The following GOLM2 variants were observed in gnomAD, a reference collection of about 807,000 sequenced individuals.
GOLM2 encodes protein GOLM2.
Under a neutral mutation model 55.9 loss-of-function variants are expected in GOLM2, and 26 were observed. The ratio of observed to expected loss-of-function variants is 0.47; its 90% CI spans 0.34 to 0.65. GOLM2 has a LOEUF of 0.65. GOLM2 is among the 30% of genes least tolerant of loss of function. The probability of loss-of-function intolerance (pLI) is 0.01; values close to 1 mark genes in which losing one functional copy is unlikely to be tolerated. For synonymous variants in GOLM2, 165 were observed against 194.6 expected, an observed-to-expected ratio of 0.85 and a Z score of 1.27; for missense variants, 486 against 531.8, an observed-to-expected ratio of 0.91 and a Z score of 0.85.
At chr15:44,369,789 TTAAA>T (rs908716179) in intron 6 of GOLM2, among the ~76,000 whole-genome samples, 22 of 151,852 alleles carry the variant, frequency 1.4e-4, no homozygotes, top group African/African-American at 3.9e-4. Context: ...AGACTCCATC[TTAAA>T]TAAATAAATA....
chr15:44,371,060 A>G (rs1388812940), intron 6 of GOLM2, among the ~76,000 whole-genome samples: 3 of 152,148 alleles, frequency 2.0e-5, no homozygotes, highest in Non-Finnish European at 4.4e-5. Context: ...GGCTTGGCCA[A>G]AGACCTAAGA....
At chr15:44,389,700 G>C (rs1036447560) in intron 8 of GOLM2, among the ~76,000 whole-genome samples, 1 of 151,942 alleles carries the variant, frequency 6.6e-6, no homozygotes, top group Non-Finnish European at 1.5e-5. Context: ...TTTGTTTTTT[G>C]AGACAGGGTC....
chr15:44,373,405 C>T (rs1352336684), intron 6 of GOLM2, among the ~76,000 whole-genome samples: 1 of 150,278 alleles, frequency 6.7e-6, no homozygotes, highest in Non-Finnish European at 1.5e-5. Context: ...TGCAGTGAGC[C>T]GAGTTCGTGC....
At chr15:44,358,805 C>A (rs1189394390) in intron 6 of GOLM2, among the ~76,000 whole-genome samples, 1 of 152,158 alleles carries the variant, frequency 6.6e-6, no homozygotes, top group African/African-American at 2.4e-5. Context: ...TTTTTGGATA[C>A]AACACCAAAG....
intron 8 of GOLM2, among the ~76,000 whole-genome samples, chr15:44,384,475 G>A (rs550590613): frequency 5.3e-5 from 8 of 152,182 alleles, no homozygotes; most frequent in South Asian, 2.1e-4. Flanking sequence ...GGCCGGGCAC[G>A]GTGACTCAAG....
chr15:44,315,488 A>T (rs1007775799), intron 1 of GOLM2, among the ~76,000 whole-genome samples: 1 of 152,208 alleles, frequency 6.6e-6, no homozygotes, highest in Non-Finnish European at 1.5e-5. Context: ...GGAAACATGA[A>T]AAGAACTTCA....
At chr15:44,351,069 C>T (rs528330045) in intron 6 of GOLM2, among the ~76,000 whole-genome samples, 4 of 152,124 alleles carry the variant, frequency 2.6e-5, no homozygotes, top group South Asian at 4.2e-4. Context: ...ATCTAGAACA[C>T]GAAGTGGATG....
rs563226128 is a variant in GOLM2, at chr15:44,334,011, G to A, written c.576+1933G>A. ...ATTACAGGCGTGAGGCACCACGCCCGGCCGCTCTCTTCTATTCTCTTAAGG... is the reference window on the plus strand; with the variant it reads ...ATTACAGGCGTGAGGCACCACGCCCAGCCGCTCTCTTCTATTCTCTTAAGG... On this transcript the variant is annotated intron_variant, in intron 4 of 9. Transcript: ENST00000299957. Among the ~76,000 whole-genome samples, 255 of 152,186 alleles carry A rather than the reference G, an allele frequency of 1.7e-3. 1 individual carries two copies. Among genetic ancestry groups the A allele is most frequent in the African/African-American group, 5.9e-3 (246 of 41,536 alleles).
intron 8 of GOLM2, chr15:44,390,242 A>C (rs1003327406): frequency 6.6e-6 from 1 of 152,252 alleles, no homozygotes; most frequent in African/African-American, 2.4e-5. Flanking sequence ...TCAAAGAAAC[A>C]GACATCTTCC....
At chr15:44,330,838 A>G (rs1404982409) in intron 3 of GOLM2, among the ~76,000 whole-genome samples, 2 of 152,206 alleles carry the variant, frequency 1.3e-5, no homozygotes, top group African/African-American at 4.8e-5. Flanking sequence ...TGTTGCTTTT[A>G]CAGCATAGAT....
intron 6 of GOLM2, among the ~76,000 whole-genome samples, chr15:44,366,297 A>C (rs898007195): frequency 1.6e-5 from 2 of 126,908 alleles, no homozygotes; most frequent in African/African-American, 6.2e-5. Flanking sequence ...ACTCCGTCTC[A>C]AAAAAAAAAA....
intron 1 of GOLM2, chr15:44,308,679 G>A (rs2078854618): frequency 6.6e-6 from 1 of 152,010 alleles, no homozygotes; most frequent in Non-Finnish European, 1.5e-5. Flanking sequence ...GTGGCTCACT[G>A]CAGCTTTGAC....
At chr15:44,330,037 A>G (rs567574252) in intron 3 of GOLM2, among the ~76,000 whole-genome samples, 10 of 150,022 alleles carry the variant, frequency 6.7e-5, no homozygotes, top group Non-Finnish European at 1.0e-4. Flanking sequence ...CAGCCTCCCG[A>G]GTAGCTGGGA....
Position 44,289,386 on chromosome 15 carries a change from C to G in GOLM2, c.327+30C>G, listed in dbSNP as rs545950464. 1 of 1,569,828 alleles carries G rather than the reference C, an allele frequency of 6.4e-7. No individual in the cohort carries two copies. Among genetic ancestry groups the G allele is most frequent in the East Asian group, 2.3e-5 (1 of 43,648 alleles). On this transcript the variant is annotated intron_variant, in intron 1 of 9. Coordinates refer to ENST00000299957, the MANE Select transcript of GOLM2 (RefSeq NM_138423.4). The surrounding 1 kb of genome is among the most constrained non-coding windows in gnomAD (Gnocchi z 4.8). ...GGACGACCCTTTTCTCTTCAAACCC[C>G]ATGGTTTCTTTTCTCCCCGGGGTCT...
chr15:44,341,657 A>G (rs2079091285), intron 6 of GOLM2, among the ~76,000 whole-genome samples: 2 of 151,168 alleles, frequency 1.3e-5, no homozygotes, highest in Non-Finnish European at 2.9e-5. Flanking sequence ...TTTCTTAATA[A>G]TAATTTTTAA....
chr15:44,359,721 G>A (rs1323232932), intron 6 of GOLM2, among the ~76,000 whole-genome samples: 140 of 152,186 alleles, frequency 9.2e-4, no homozygotes, highest in Non-Finnish European at 1.5e-3. Flanking sequence ...GATACTCCTC[G>A]AGAAGAGCAA....
At chr15:44,386,828 T>G (rs1165874358) in intron 8 of GOLM2, among the ~76,000 whole-genome samples, 1 of 148,148 alleles carries the variant, frequency 6.8e-6, no homozygotes, top group Non-Finnish European at 1.5e-5. Flanking sequence ...CTATGATTGT[T>G]CCACTGCACT....
intron 9 of GOLM2, 68 bp from the exon 10 acceptor site, chr15:44,413,268 A>T: frequency 8.8e-7 from 1 of 1,133,052 alleles, no homozygotes; most frequent in Non-Finnish European, 1.3e-6. Flanking sequence ...TGAAAAACTG[A>T]GACATTAATT....
intron 8 of GOLM2, among the ~76,000 whole-genome samples, chr15:44,393,610 CT>C (rs1005432842): frequency 3.9e-5 from 6 of 152,064 alleles, no homozygotes; most frequent in Admixed American, 6.6e-5. Context: ...TTATAATGCT[CT>C]TTTTTTGTTT....
Sources: allele counts gnomAD v4.1 joint callset (sites outside exome capture counted in the v4.1 genomes callset), GRCh38; gene constraint gnomAD v4.1.1; non-coding constraint Gnocchi (gnomAD v3.1); transcripts MANE v1.5; gene names NCBI Gene and HGNC (gene_info 2026-07-23, HGNC 2026-07-21).